Variants in CCSER2 observed in about 807,000 individuals in gnomAD.
CCSER2 encodes serine-rich coiled-coil domain-containing protein 2.
In CCSER2, 46 loss-of-function variants were observed where a neutral mutation model predicts 92.3. The observed-to-expected ratio is 0.50, with a 90% CI of 0.39 to 0.64. The LOEUF is 0.64. CCSER2 is among the 30% of genes least tolerant of loss of function. The pLI, the probability that CCSER2 is intolerant of heterozygous loss-of-function variation, is 0.00. For synonymous variants in CCSER2, 433 were observed against 431.4 expected, an observed-to-expected ratio of 1.00 and a Z score of -0.04; for missense variants, 1,244 against 1,238.9, an observed-to-expected ratio of 1.00 and a Z score of -0.06.
chr10:84,442,602 C>G (rs1338399148), intron 6 of CCSER2, among the ~76,000 whole-genome samples: 1 of 152,086 alleles, frequency 6.6e-6, no homozygotes, highest in Non-Finnish European at 1.5e-5. Flanking sequence ...TCTCTTTTCT[C>G]ATTTCTAATT....
At chr10:84,405,214 A>G (rs1842318068) in intron 3 of CCSER2, among the ~76,000 whole-genome samples, 2 of 152,200 alleles carry the variant, frequency 1.3e-5, no homozygotes, top group Admixed American at 1.3e-4. Context: ...TGTAAAAGAA[A>G]CTCAGTGGAG....
intron 3 of CCSER2, among the ~76,000 whole-genome samples, chr10:84,416,253 C>T (rs912167192): frequency 6.6e-6 from 1 of 152,190 alleles, no homozygotes; most frequent in Non-Finnish European, 1.5e-5. Context: ...TCTTCATTTT[C>T]TGTGGGTCAG....
At chr10:84,499,877 T>TG (rs1848632927) in intron 9 of CCSER2, 1 of 1,613,894 alleles carries the variant, frequency 6.2e-7, no homozygotes, top group African/African-American at 1.3e-5. Flanking sequence ...CTGCACAGGG[T>TG]GGGTATTCTG....
intron 6 of CCSER2, among the ~76,000 whole-genome samples, chr10:84,458,115 T>A (rs1845887605): frequency 6.6e-6 from 1 of 152,126 alleles, no homozygotes; most frequent in Admixed American, 6.5e-5. Flanking sequence ...CTAAGAAATC[T>A]TTGCTCAACC....
chr10:84,480,107 C>A (rs2133753233), intron 9 of CCSER2, among the ~76,000 whole-genome samples: 1 of 152,204 alleles, frequency 6.6e-6, no homozygotes, highest in Admixed American at 6.5e-5. Flanking sequence ...TGCAATGGTG[C>A]AATTATGGTC....
chr10:84,344,361 T>G (rs915771912), intron 1 of CCSER2, among the ~76,000 whole-genome samples: 1 of 152,160 alleles, frequency 6.6e-6, no homozygotes, highest in Non-Finnish European at 1.5e-5. Flanking sequence ...TAAAGGTTTT[T>G]TTTTTGTTAG....
chr10:84,400,599 T>G (rs1589555066), intron 3 of CCSER2, among the ~76,000 whole-genome samples: 1 of 152,328 alleles, frequency 6.6e-6, no homozygotes, highest in East Asian at 1.9e-4. Flanking sequence ...GTTGACAGTT[T>G]TTTTCTTTCA....
At chr10:84,441,961 T>G (rs1284003960) in intron 6 of CCSER2, among the ~76,000 whole-genome samples, 1 of 151,898 alleles carries the variant, frequency 6.6e-6, no homozygotes, top group African/African-American at 2.4e-5. Context: ...TTTCACCATG[T>G]TAGCCACAAG....
intron 3 of CCSER2, among the ~76,000 whole-genome samples, chr10:84,412,627 C>T (rs920174214): frequency 6.6e-6 from 1 of 152,076 alleles, no homozygotes; most frequent in East Asian, 1.9e-4. Context: ...GAAAGTGGGA[C>T]CAGGGGGCCA....
intron 7 of CCSER2, among the ~76,000 whole-genome samples, chr10:84,467,472 ATG>A (rs765626415): frequency 2.5e-4 from 38 of 150,672 alleles, no homozygotes; most frequent in Admixed American, 1.3e-3. Context: ...ATGTGTGTGT[ATG>A]TGTGTGTGTG....
intron 5 of CCSER2, among the ~76,000 whole-genome samples, chr10:84,430,357 G>C (rs1843697974): frequency 6.6e-6 from 1 of 152,132 alleles, no homozygotes; most frequent in Non-Finnish European, 1.5e-5. Flanking sequence ...GCATTTCAAA[G>C]CCTCTTGTGG....
chr10:84,347,441 G>A (rs1363761938), intron 1 of CCSER2, among the ~76,000 whole-genome samples: 4 of 150,526 alleles, frequency 2.7e-5, no homozygotes, highest in African/African-American at 7.3e-5. Flanking sequence ...CGGACGGGTC[G>A]GCTGGCCGGG....
At chr10:84,494,185 T>C (rs983271074) in intron 9 of CCSER2, among the ~76,000 whole-genome samples, 1 of 152,186 alleles carries the variant, frequency 6.6e-6, no homozygotes, top group Non-Finnish European at 1.5e-5. Context: ...TTGGTACTGG[T>C]CCGTGGCCCA....
Position 84,447,535 on chromosome 10 carries a change from G to C in CCSER2, c.2064+8828G>C, listed in dbSNP as rs900883822. Among the ~76,000 whole-genome samples, 39 of 152,000 alleles carry C rather than the reference G, an allele frequency of 2.6e-4. 1 individual carries two copies. The highest frequency in any genetic ancestry group is 4.8e-5 in the African/African-American group (2 of 41,386). On this transcript the variant is annotated intron_variant, in intron 6 of 9. Coordinates refer to ENST00000372088, the MANE Select transcript of CCSER2 (RefSeq NM_001284240.2). Reference sequence around the variant, plus strand: ...TATCCTTTGATGAAAAAAAGTTCTTGGTTTTAATACAGTGAATTTATCAGA... The same window carrying C: ...TATCCTTTGATGAAAAAAAGTTCTTCGTTTTAATACAGTGAATTTATCAGA...
rs764220145 is a variant in CCSER2, at chr10:84,417,849, C to T, written c.1693C>T (p.Pro565Ser). 1 of 1,557,944 alleles carries T rather than the reference C, an allele frequency of 6.4e-7. No individual in the cohort carries two copies. Among genetic ancestry groups the T allele is most frequent in the Non-Finnish European group, 8.9e-7 (1 of 1,129,078 alleles). ...TGATGTGGATCTGCCTGAGGATGCA[C>T]CTCTTGAAAATGGTAAGTTGAGACA... is the stretch of plus-strand genomic sequence containing the variant. ...MLDVDLPEDA[P>S]LENVECDNMN... Residue 565 changes from proline (P) to serine (S), a missense_variant, in exon 4 of 10, where the codon CCT becomes TCT. Pro to Ser is a moderately conservative substitution (Grantham distance 74). Coordinates refer to ENST00000372088, the MANE Select transcript of CCSER2 (RefSeq NM_001284240.2).
intron 9 of CCSER2, among the ~76,000 whole-genome samples, chr10:84,500,928 T>C (rs1654126720): frequency 6.6e-6 from 1 of 152,228 alleles, no homozygotes; most frequent in Non-Finnish European, 1.5e-5. Context: ...AATTATGAGG[T>C]ATCGACATGA....
chr10:84,480,050 T>C (rs1847369152), intron 9 of CCSER2, among the ~76,000 whole-genome samples: 1 of 152,226 alleles, frequency 6.6e-6, no homozygotes, highest in Middle Eastern at 3.4e-3. Flanking sequence ...TTAAAAGTTA[T>C]TTAATTTATT....
chr10:84,371,686 T>C lies in CCSER2; in HGVS notation c.634T>C (p.Ser212Pro). The C allele has an allele frequency of 1.2e-6, 2 of 1,613,720 alleles. No homozygotes were observed. The highest frequency in any genetic ancestry group is 4.5e-5 in the East Asian group (2 of 44,864). The change falls in exon 2 of 10, where the codon TCT becomes CCT. Residue 212 changes from serine (S) to proline (P), a missense_variant. Physicochemically the swap from Ser to Pro is moderately conservative, Grantham distance 74. Transcript: ENST00000372088. ...SLAQSPDSSKSINCEKMVRSQ... is the reference protein window; with the variant it reads ...SLAQSPDSSKPINCEKMVRSQ... Reference sequence around the variant, plus strand: ...AGCTCAATCCCCAGACAGTAGTAAATCTATTAATTGTGAAAAAATGGTAAG... The same window carrying C: ...AGCTCAATCCCCAGACAGTAGTAAACCTATTAATTGTGAAAAAATGGTAAG...
chr10:84,441,734 A>ATTTTTTTTTTTTTTTTTTTTTTTTTT lies in CCSER2; in HGVS notation c.2064+3028_2064+3029insTTTTTTTTTTTTTTTTTTTTTTTTTT, dbSNP rs1564667385. ...GGGAATAAAGTAGAAGACTGGGAAA[A>ATTTTTTTTTTTTTTTTTTTTTTTTTT]TGTTTTTTTTTTTTTTTTTTTTTTT... On this transcript the variant is annotated intron_variant, in intron 6 of 9. Transcript: ENST00000372088. 6.6e-5 allele frequency among the ~76,000 whole-genome samples: 7 copies of ATTTTTTTTTTTTTTTTTTTTTTTTTT among 106,410 alleles called. 2 individuals carry two copies. Among genetic ancestry groups the ATTTTTTTTTTTTTTTTTTTTTTTTTT allele is most frequent in the South Asian group, 3.4e-4 (1 of 2,964 alleles). 69.8% of individuals were successfully genotyped at this position (106,410 alleles called of 152,430 possible).
Sources: gnomAD v4.1 joint callset for allele counts (sites outside exome capture counted in the v4.1 genomes callset) on GRCh38, gnomAD v4.1.1 for gene constraint, MANE v1.5 for transcripts, NCBI Gene and HGNC (gene_info 2026-07-23, HGNC 2026-07-21) for gene names.